Variants in SLC25A26 observed in about 807,000 individuals in gnomAD.
The protein encoded by SLC25A26 is mitochondrial S-adenosylmethionine carrier protein.
SLC25A26 carries 36 observed loss-of-function variants against 37.8 expected under a neutral mutation model. The observed-to-expected ratio is 0.95, with a 90% CI of 0.73 to 1.26. The LOEUF (loss-of-function observed/expected upper bound fraction) is 1.26. Ranked by LOEUF, SLC25A26 falls within the 50% of genes most tolerant of loss-of-function variation. The pLI, the probability that SLC25A26 is intolerant of heterozygous loss-of-function variation, is 0.00. For synonymous variants in SLC25A26, 129 were observed against 122.5 expected (o/e 1.05, Z -0.35); for missense variants, 390 against 331.1 (o/e 1.18, Z -1.38).
intron 1 of SLC25A26, among the ~76,000 whole-genome samples, chr3:66,173,398 A>G (rs907252388): frequency 6.6e-6 from 1 of 152,190 alleles, no homozygotes; most frequent in Non-Finnish European, 1.5e-5. Context: ...GAGGCCTCAC[A>G]TAAGTGGACA....
chr3:66,301,319 A>G (rs2075069706), intron 5 of SLC25A26, among the ~76,000 whole-genome samples: 1 of 152,176 alleles, frequency 6.6e-6, no homozygotes, highest in Non-Finnish European at 1.5e-5. Flanking sequence ...TTTTATACAG[A>G]CTTTTTAAGG....
intron 5 of SLC25A26, among the ~76,000 whole-genome samples, chr3:66,275,917 C>T (rs1361136294): frequency 6.6e-6 from 1 of 151,910 alleles, no homozygotes; most frequent in African/African-American, 2.4e-5. Flanking sequence ...CAAGAATTAC[C>T]CTTGATGTTC....
chr3:66,241,667 G>T (rs1231771866), intron 2 of SLC25A26, among the ~76,000 whole-genome samples: 1 of 152,180 alleles, frequency 6.6e-6, no homozygotes, highest in East Asian at 1.9e-4. Context: ...TTACTGCCAA[G>T]TTTGAAAGAA....
At chr3:66,370,021 G>C (rs1044876840) in intron 8 of SLC25A26, among the ~76,000 whole-genome samples, 3 of 152,156 alleles carry the variant, frequency 2.0e-5, no homozygotes, top group Admixed American at 1.3e-4. Flanking sequence ...TAACATACCT[G>C]AACTGAACCA....
At chr3:66,211,959 A>C (rs2071289727) in intron 1 of SLC25A26, among the ~76,000 whole-genome samples, 1 of 152,202 alleles carries the variant, frequency 6.6e-6, no homozygotes, top group Admixed American at 6.5e-5. Context: ...ACTCTGTAAC[A>C]ATCTCCCCTT....
At chr3:66,334,685 A>G (rs1398554830) in intron 5 of SLC25A26, among the ~76,000 whole-genome samples, 4 of 152,058 alleles carry the variant, frequency 2.6e-5, no homozygotes, top group Non-Finnish European at 5.9e-5. Context: ...TGACTTGAGA[A>G]TAGCATGTCC....
chr3:66,363,538 G>C (rs1179676222), intron 7 of SLC25A26, among the ~76,000 whole-genome samples: 3 of 152,180 alleles, frequency 2.0e-5, no homozygotes, highest in African/African-American at 7.2e-5. Context: ...TTCAAGTGAG[G>C]CTTTAACGAG....
At chr3:66,136,113 G>A (rs77153383) in intron 1 of SLC25A26, among the ~76,000 whole-genome samples, 11,248 of 152,228 alleles carry the variant, frequency 0.074, 512 homozygotes, top group Middle Eastern at 0.14. Context: ...ATTCTGTCCT[G>A]CGGACAGTCA....
At chr3:66,377,507 A>C (rs1318667430) in intron 9 of SLC25A26, among the ~76,000 whole-genome samples, 183 bp from the exon 10 acceptor site, 2 of 151,998 alleles carry the variant, frequency 1.3e-5, no homozygotes, top group African/African-American at 2.4e-5. Context: ...GAAAAATGGC[A>C]TGAAAGTTTT....
chr3:66,260,638 C>T (rs887158950), intron 3 of SLC25A26, among the ~76,000 whole-genome samples: 3 of 152,164 alleles, frequency 2.0e-5, no homozygotes, highest in Non-Finnish European at 4.4e-5. Context: ...GTGTCTTTGT[C>T]CCACTTGTCA....
At chr3:66,206,471 G>T (rs1200555679) in intron 1 of SLC25A26, among the ~76,000 whole-genome samples, 1 of 152,160 alleles carries the variant, frequency 6.6e-6, no homozygotes, top group Non-Finnish European at 1.5e-5. Flanking sequence ...TGAAAAATCT[G>T]TAGCACATTC....
chr3:66,376,329 T>A (rs968175564), intron 9 of SLC25A26, among the ~76,000 whole-genome samples: 4 of 152,184 alleles, frequency 2.6e-5, no homozygotes, highest in Non-Finnish European at 5.9e-5. Context: ...GAGGTCCTAC[T>A]GTGGGCAAAA....
chr3:66,186,326 A>AATCTG (rs1220460826), intron 1 of SLC25A26, among the ~76,000 whole-genome samples: 2 of 151,966 alleles, frequency 1.3e-5, no homozygotes, highest in East Asian at 3.9e-4. Flanking sequence ...CTGGACTCTG[A>AATCTG]ATCTGACCCT....
At position 66,189,555 on chromosome 3, in the gene SLC25A26, A is replaced by AT. The variant is rs2070896369; in HGVS notation, c.-353-31186dup. On this transcript the variant is annotated intron_variant, in intron 1 of 10. Coordinates refer to the SLC25A26 transcript ENST00000676754. ...AAGTTGAGTTTGAACATGAAATCTTATACACTCACACTCTAGTTTCTTTTG... is the reference window on the plus strand; with the variant it reads ...AAGTTGAGTTTGAACATGAAATCTTATTACACTCACACTCTAGTTTCTTTTG... Among the ~76,000 whole-genome samples the AT allele has an allele frequency of 5.9e-5, 9 of 152,316 alleles. No individual in the cohort carries two copies. The South Asian group carries it at 1.9e-3, about 32-fold the overall frequency.
chr3:66,236,795 G>C (rs944622498), intron 2 of SLC25A26, 95 bp downstream of exon 2: 2 of 903,442 alleles, frequency 2.2e-6, no homozygotes, highest in African/African-American at 3.4e-5. Flanking sequence ...CTTGTGTGTT[G>C]AAGCTTATCT....
intron 1 of SLC25A26, among the ~76,000 whole-genome samples, chr3:66,181,544 T>C (rs1305341031): frequency 6.6e-6 from 1 of 152,194 alleles, no homozygotes; most frequent in East Asian, 1.9e-4. Flanking sequence ...TCCATAGCTA[T>C]TATTTCATTT....
chr3:66,275,599 C>T (rs1432410472), intron 5 of SLC25A26, among the ~76,000 whole-genome samples: 6 of 151,982 alleles, frequency 3.9e-5, no homozygotes, highest in Non-Finnish European at 8.8e-5. Flanking sequence ...GTTTTAAGTA[C>T]TTAGGTATTA....
At chr3:66,220,457 GAACA>G (rs1344152687), upstream of SLC25A26, among the ~76,000 whole-genome samples, 4 of 152,096 alleles carry the variant, frequency 2.6e-5, no homozygotes, top group Admixed American at 6.6e-5. Flanking sequence ...GTAAATAACT[GAACA>G]AACAAATAAT....
chr3:66,203,280 C>G (rs1202518413), intron 1 of SLC25A26, among the ~76,000 whole-genome samples: 1 of 151,868 alleles, frequency 6.6e-6, no homozygotes, highest in Non-Finnish European at 1.5e-5. Context: ...ACTTGGGAGG[C>G]TGAGGTGGGA....
Sources: gnomAD v4.1 joint callset for allele counts (sites outside exome capture counted in the v4.1 genomes callset) on GRCh38, gnomAD v4.1.1 for gene constraint, MANE v1.5 for transcripts, NCBI Gene and HGNC (gene_info 2026-07-23, HGNC 2026-07-21) for gene names.